ERBB4: variants seen among roughly 807,000 people sequenced by gnomAD.
ERBB4 encodes receptor tyrosine-protein kinase erbB-4.
In ERBB4, 42 loss-of-function variants were observed where a neutral mutation model predicts 158.0. The observed-to-expected ratio is 0.27, with a 90% CI of 0.21 to 0.34. The LOEUF (loss-of-function observed/expected upper bound fraction) is 0.34, where lower values mean the gene tolerates loss of function less well. ERBB4 is among the 10% of genes least tolerant of loss of function. The pLI is 1.00. For synonymous variants in ERBB4, 583 were observed against 558.7 expected, an observed-to-expected ratio of 1.04 and a Z score of -0.61; for missense variants, 1,333 against 1,624.1, an observed-to-expected ratio of 0.82 and a Z score of 3.08.
chr2:211,606,446 A>AT (rs1334144193), intron 19 of ERBB4, among the ~76,000 whole-genome samples: 18 of 34,558 alleles, frequency 5.2e-4, no homozygotes, highest in African/African-American at 9.2e-4. Flanking sequence ...GGATTTGGAA[A>AT]ATTTTTTTTT....
At chr2:212,420,802 C>T (rs1574886451) in intron 1 of ERBB4, among the ~76,000 whole-genome samples, 1 of 152,248 alleles carries the variant, frequency 6.6e-6, no homozygotes, top group Admixed American at 6.5e-5. Flanking sequence ...CAATGGCTGT[C>T]TTTCCAGACA....
chr2:211,574,791 A>G (rs1052745845), intron 19 of ERBB4, among the ~76,000 whole-genome samples: 1 of 152,160 alleles, frequency 6.6e-6, no homozygotes, highest in Non-Finnish European at 1.5e-5. Context: ...AGATTATTAG[A>G]CCTGTCACTT....
chr2:212,203,999 G>T (rs1430683783), intron 1 of ERBB4, among the ~76,000 whole-genome samples: 1 of 152,154 alleles, frequency 6.6e-6, no homozygotes, highest in Non-Finnish European at 1.5e-5. Flanking sequence ...TTTGTCAAAA[G>T]TTAGTCAAAC....
intron 1 of ERBB4, among the ~76,000 whole-genome samples, chr2:212,381,053 A>G (rs551658211): frequency 6.6e-6 from 1 of 151,550 alleles, no homozygotes; most frequent in African/African-American, 2.4e-5. Context: ...CTTCACCGAA[A>G]AAAGTCATAG....
At chr2:211,443,621 T>A (rs2064038901) in intron 20 of ERBB4, among the ~76,000 whole-genome samples, 1 of 152,048 alleles carries the variant, frequency 6.6e-6, no homozygotes, top group Non-Finnish European at 1.5e-5. Flanking sequence ...CCATTCCTGT[T>A]TATCATTGAC....
At chr2:212,504,924 A>C (rs1691104067) in intron 1 of ERBB4, among the ~76,000 whole-genome samples, 1 of 152,218 alleles carries the variant, frequency 6.6e-6, no homozygotes, top group Non-Finnish European at 1.5e-5. Flanking sequence ...AATTAAAAAA[A>C]CTGAAAAATA....
At chr2:211,522,530 T>C (rs768332010) in intron 20 of ERBB4, among the ~76,000 whole-genome samples, 9 of 152,184 alleles carry the variant, frequency 5.9e-5, no homozygotes, top group Non-Finnish European at 1.2e-4. Flanking sequence ...TAGAGTATTA[T>C]ATAAACTTAG....
At chr2:211,829,537 A>C (rs1399396521) in intron 3 of ERBB4, among the ~76,000 whole-genome samples, 1 of 152,242 alleles carries the variant, frequency 6.6e-6, no homozygotes, top group Non-Finnish European at 1.5e-5. Flanking sequence ...GAACATACCA[A>C]CTTTATTAAT....
intron 7 of ERBB4, among the ~76,000 whole-genome samples, chr2:211,717,414 A>G (rs1390436724): frequency 6.6e-6 from 1 of 152,232 alleles, no homozygotes; most frequent in Non-Finnish European, 1.5e-5. Flanking sequence ...ATGCTAATTA[A>G]GAGACATATT....
intron 1 of ERBB4, among the ~76,000 whole-genome samples, chr2:212,216,905 T>G (rs1294379885): frequency 2.0e-5 from 3 of 151,408 alleles, no homozygotes; most frequent in African/African-American, 7.2e-5. Context: ...TAATATAATC[T>G]TATATCCATT....
intron 3 of ERBB4, among the ~76,000 whole-genome samples, chr2:211,938,103 T>C (rs2080378547): frequency 6.6e-6 from 1 of 152,188 alleles, no homozygotes; most frequent in Non-Finnish European, 1.5e-5. Context: ...ATAAGCCTAA[T>C]ATGCTTTCAA....
chr2:212,275,702 G>A (rs887652427), intron 1 of ERBB4, among the ~76,000 whole-genome samples: 2 of 151,684 alleles, frequency 1.3e-5, no homozygotes, highest in Non-Finnish European at 2.9e-5. Flanking sequence ...AGGAAAAACC[G>A]GTACCAGCCC....
intron 2 of ERBB4, among the ~76,000 whole-genome samples, chr2:212,105,758 C>A (rs2079208132): frequency 6.6e-6 from 1 of 152,132 alleles, no homozygotes; most frequent in Non-Finnish European, 1.5e-5. Context: ...TGAATCGTAG[C>A]TCTCACAATT....
intron 20 of ERBB4, among the ~76,000 whole-genome samples, chr2:211,530,306 A>G (rs1408898766): frequency 6.6e-6 from 1 of 152,150 alleles, no homozygotes; most frequent in Non-Finnish European, 1.5e-5. Flanking sequence ...AACAATCTCT[A>G]TAATGAAAAC....
intron 1 of ERBB4, among the ~76,000 whole-genome samples, chr2:212,461,712 C>A (rs964338521): frequency 1.3e-5 from 2 of 152,010 alleles, no homozygotes; most frequent in Non-Finnish European, 2.9e-5. Flanking sequence ...GGGTCAAGGG[C>A]AGAACGATAT....
chr2:211,604,345 C>T (rs1023179463), intron 19 of ERBB4, among the ~76,000 whole-genome samples: 1 of 152,126 alleles, frequency 6.6e-6, no homozygotes, highest in Admixed American at 6.5e-5. Flanking sequence ...TGATTTTGTT[C>T]TTACTTACAT....
chr2:212,027,274 G>A (rs142838427), intron 2 of ERBB4, among the ~76,000 whole-genome samples: 13 of 152,096 alleles, frequency 8.5e-5, no homozygotes, highest in African/African-American at 2.2e-4. Flanking sequence ...TATAATGTTC[G>A]TGAGAAATTA....
Position 212,056,143 on chromosome 2 carries a change from G to T in ERBB4, c.234+68609C>A, listed in dbSNP as rs528040234. On this transcript the variant is annotated intron_variant, in intron 2 of 27. Transcript: ENST00000342788. The stretch of plus-strand genomic sequence containing the variant: ...CTACGTGACGAATACACAAGCTTCA[G>T]TAGCCGATTTGATCAACTGGAAGAA... 6.7e-3 allele frequency among the ~76,000 whole-genome samples: 1,024 copies of T among 152,318 alleles called. 10 individuals are homozygous for T. The highest frequency in any genetic ancestry group is 0.023 in the African/African-American group (970 of 41,568).
chr2:212,084,482 A>C (rs2078542207), intron 2 of ERBB4, among the ~76,000 whole-genome samples: 1 of 152,014 alleles, frequency 6.6e-6, no homozygotes, highest in Non-Finnish European at 1.5e-5. Context: ...TAGAGAAAAC[A>C]CTATTGCCTA....
Sources: gnomAD v4.1 joint callset for allele counts (sites outside exome capture counted in the v4.1 genomes callset) on GRCh38, gnomAD v4.1.1 for gene constraint, MANE v1.5 for transcripts, NCBI Gene and HGNC (gene_info 2026-07-23, HGNC 2026-07-21) for gene names.